The following ZNF529 variants were observed in gnomAD, a reference collection of about 807,000 sequenced individuals.
The protein encoded by ZNF529 is zinc finger protein 529.
In ZNF529, 11 loss-of-function variants were observed where a neutral mutation model predicts 10.1. The ratio of observed to expected loss-of-function variants is 1.09; its 90% CI spans 0.69 to 1.81. The LOEUF (loss-of-function observed/expected upper bound fraction) is 1.81. Among genes scored for constraint, ZNF529 ranks in the 40% most tolerant of loss-of-function variants. The probability of loss-of-function intolerance (pLI) is 0.00; values close to 1 mark genes in which losing one functional copy is unlikely to be tolerated. For missense variants in ZNF529, 624 were observed against 666.8 expected (o/e 0.94, Z 0.71); for synonymous variants, 204 against 215.7 (o/e 0.95, Z 0.47).
rs1283595218 is a variant in ZNF529 at position 36,592,822 on chromosome 19, ATTTT to A, written c.-127-3125_-127-3122del. Among the ~76,000 whole-genome samples the A allele has an allele frequency of 3.3e-5, 5 of 152,262 alleles. No individual in the cohort carries two copies. In the East Asian group the frequency reaches 5.8e-4, roughly 18 times the overall value. On this transcript the variant is annotated intron_variant, in intron 1 of 4. Transcript: ENST00000585960. ...TTCTGCTTAACAGTTTTAAAAATCA[ATTTT>A]ATTCATATTAGTTGAATAAAGGAGA... is the stretch of plus-strand genomic sequence containing the variant.
rs2036156696 is a variant in ZNF529 at position 36,572,449 on chromosome 19, C to A, written c.-46-57G>T. 6.7e-6 allele frequency: 9 copies of A among 1,350,126 alleles called. No individual in the cohort carries two copies. In the South Asian group the frequency reaches 1.0e-4, roughly 16 times the overall value. 83.6% of individuals were successfully genotyped at this position (1,350,126 alleles called of 1,614,324 possible). On this transcript the variant is annotated intron_variant, in intron 1 of 4. Coordinates refer to ENST00000591340, the MANE Select transcript of ZNF529 (RefSeq NM_020951.5). ...ACATCCTGGACTGGTTAAATAAGAA[C>A]ACAGTGTTCACCACCAGAAAAGCCC...
intron 2 of ZNF529, among the ~76,000 whole-genome samples, chr19:36,578,580 T>C (rs1413248066): frequency 1.3e-5 from 2 of 151,392 alleles, no homozygotes; most frequent in African/African-American, 4.9e-5. Context: ...GCTAGGATTA[T>C]AGGCATGAGC....
intron 2 of ZNF529, among the ~76,000 whole-genome samples, chr19:36,578,855 C>T (rs1392248922): frequency 6.6e-6 from 1 of 151,774 alleles, no homozygotes; most frequent in Non-Finnish European, 1.5e-5. Context: ...GCCTTGGCCT[C>T]CCAAAGTGCT....
chr19:36,572,400 A>G lies in ZNF529; in HGVS notation c.-46-8T>C. The stretch of plus-strand genomic sequence containing the variant: ...GGGCCTTCACTTGCAGAACTACATA[A>G]CCAAGAGGGAGAAAGGACTCATGAC... On this transcript the variant is annotated splice_region_variant and splice_polypyrimidine_tract_variant and intron_variant, in intron 1 of 4. Coordinates refer to ENST00000591340, the MANE Select transcript of ZNF529 (RefSeq NM_020951.5). 1 of 1,547,320 alleles carries G rather than the reference A, an allele frequency of 6.5e-7. No individual in the cohort carries two copies. Among genetic ancestry groups the G allele is most frequent in the Middle Eastern group, 1.7e-4 (1 of 5,978 alleles).
At chr19:36,550,711 TTAAAA>T (rs1180041084) in intron 4 of ZNF529, among the ~76,000 whole-genome samples, 1 of 152,158 alleles carries the variant, frequency 6.6e-6, no homozygotes, top group Non-Finnish European at 1.5e-5. Flanking sequence ...ATGCTTTTTT[TTAAAA>T]AAGTAAAAAT....
At position 36,547,773 on chromosome 19, in the gene ZNF529, G is replaced by A. The variant is rs1245924437; in HGVS notation, c.785C>T (p.Thr262Ile). 1.2e-6 allele frequency: 2 copies of A among 1,612,620 alleles called. No individual in the cohort carries two copies. Among genetic ancestry groups the A allele is most frequent in the South Asian group, 2.2e-5 (2 of 90,820 alleles). ...AGTAACTTTTCCAACTCTTTCAAAG[G>A]TCCTTCTGTATTCCTTACATTTATA... ...KFYKCKEYRR[T>I]FERVGKVTPL... The change falls in exon 5 of 5, where the codon ACC becomes ATC. Residue 262 changes from threonine (T) to isoleucine (I), a missense_variant. Transcript: ENST00000591340.
intron 4 of ZNF529, among the ~76,000 whole-genome samples, chr19:36,550,416 C>T (rs1053897720): frequency 2.0e-5 from 3 of 152,122 alleles, no homozygotes; most frequent in East Asian, 1.9e-4. Flanking sequence ...CACGGTGGCA[C>T]ATGCCTGTAA....
intron 2 of ZNF529, among the ~76,000 whole-genome samples, chr19:36,568,515 A>G (rs1291377339): frequency 6.8e-6 from 1 of 146,944 alleles, no homozygotes; most frequent in African/African-American, 2.5e-5. Context: ...TTTGTCATCT[A>G]GGCTGGAGTG....
intron 2 of ZNF529, among the ~76,000 whole-genome samples, chr19:36,560,109 T>C (rs1481490978): frequency 1.3e-5 from 2 of 151,810 alleles, no homozygotes; most frequent in African/African-American, 2.4e-5. Context: ...AATAAAAAAT[T>C]AGCCGGGTGT....
rs549330930 is a variant in ZNF529, at chr19:36,570,377, A to G, written c.14+1956T>C. On this transcript the variant is annotated intron_variant, in intron 2 of 4. Transcript: ENST00000591340. ...CCCTATCTCAAAAAAAAAAAAAAAA[A>G]AAAAGAAAAGAAAAAAGAAAAAAGA... is the stretch of plus-strand genomic sequence containing the variant. 3.8e-4 allele frequency among the ~76,000 whole-genome samples: 57 copies of G among 151,150 alleles called. 1 individual carries two copies. The highest frequency in any genetic ancestry group is 3.4e-3 in the Middle Eastern group (1 of 294).
intron 2 of ZNF529, among the ~76,000 whole-genome samples, chr19:36,584,596 A>AT (rs1487779903): frequency 2.0e-5 from 3 of 151,868 alleles, no homozygotes; most frequent in African/African-American, 7.3e-5. Context: ...CTGAAACCCC[A>AT]TTTTCACTAA....
At chr19:36,577,271 C>T (rs2036347176), upstream of ZNF529, 1 of 413,358 alleles carries the variant, frequency 2.4e-6, no homozygotes, top group South Asian at 1.8e-5. Context: ...TACTTTCTAT[C>T]GAAGTAGAAT....
At chr19:36,556,324 G>A (rs1194640517) in intron 2 of ZNF529, 127 bp from the exon 3 acceptor site, 2 of 629,370 alleles carry the variant, frequency 3.2e-6, no homozygotes, top group Non-Finnish European at 5.8e-6. Context: ...AACTCTTAGA[G>A]TCTAGACTCC....
intron 2 of ZNF529, among the ~76,000 whole-genome samples, chr19:36,565,731 A>C (rs1254199331): frequency 6.6e-6 from 1 of 152,118 alleles, no homozygotes; most frequent in Non-Finnish European, 1.5e-5. Context: ...ACAACGATAA[A>C]GGTACCTAAA....
At chr19:36,602,651 G>A (rs150016241) in intron 1 of ZNF529, among the ~76,000 whole-genome samples, 6 of 152,118 alleles carry the variant, frequency 3.9e-5, no homozygotes, top group Admixed American at 6.5e-5. Flanking sequence ...ACACCTGGCC[G>A]GGCACGGTGG....
rs2145786253 is a variant in ZNF529, at chr19:36,548,008, AG to A, written c.549del (p.Leu184Ter). 6.2e-7 allele frequency: 1 copy of A among 1,613,786 alleles called. No individual in the cohort carries two copies. Among genetic ancestry groups the A allele is most frequent in the Admixed American group, 1.7e-5 (1 of 60,004 alleles). ...ATTTTCTGATATTCATCAAACTCTAAGTCACAACTGAAGACCTTCTCATATT... is the reference window on the plus strand; with the variant it reads ...ATTTTCTGATATTCATCAAACTCTAATCACAACTGAAGACCTTCTCATATT... ...YKEYEKVFSC[D>X]LEFDEYQKIH... is the part of the protein sequence containing the mutation. On this transcript the variant is annotated frameshift_variant, in exon 5 of 5. Coordinates refer to ENST00000591340, the MANE Select transcript of ZNF529 (RefSeq NM_020951.5). LOFTEE classifies it low-confidence loss of function (END_TRUNC).
In ZNF529 at chr19:36,556,299, A is replaced by G. The variant is rs1401046454; in HGVS notation, c.15-102T>C. The G allele has an allele frequency of 5.9e-6, 4 of 672,458 alleles. No homozygotes were observed. In the East Asian group the frequency reaches 1.1e-4, roughly 18 times the overall value. 41.7% of individuals were successfully genotyped at this position (672,458 alleles called of 1,614,324 possible). On this transcript the variant is annotated intron_variant, in intron 2 of 4. Transcript: ENST00000591340. ...AGAAACATTAGTTTAAGAGAATCTCAAAAAACATGTTAAGAACTCTTAGAG... is the reference window on the plus strand; with the variant it reads ...AGAAACATTAGTTTAAGAGAATCTCGAAAAACATGTTAAGAACTCTTAGAG...
At chr19:36,599,127 T>C (rs2036885450) in intron 1 of ZNF529, among the ~76,000 whole-genome samples, 1 of 152,216 alleles carries the variant, frequency 6.6e-6, no homozygotes, top group Non-Finnish European at 1.5e-5. Flanking sequence ...TTTGTAACTA[T>C]TAACATCAAT....
intron 1 of ZNF529, among the ~76,000 whole-genome samples, chr19:36,602,052 ATT>A (rs35443863): frequency 6.9e-5 from 10 of 145,610 alleles, no homozygotes; most frequent in Non-Finnish European, 7.5e-5. Context: ...GAACGCTACA[ATT>A]TTTTTTTTTT....
Sources: gnomAD v4.1 joint callset for allele counts (sites outside exome capture counted in the v4.1 genomes callset) on GRCh38, gnomAD v4.1.1 for gene constraint, MANE v1.5 for transcripts, NCBI Gene and HGNC (gene_info 2026-07-23, HGNC 2026-07-21) for gene names.